ABTB3: variants seen among roughly 807,000 people sequenced by gnomAD.
The protein encoded by ABTB3 is ankyrin repeat- and BTB/POZ domain-containing protein 3.
the ABTB3 span, among the ~76,000 whole-genome samples, chr12:107,618,746 G>A: frequency 6.6e-6 from 1 of 152,210 alleles, no homozygotes; most frequent in South Asian, 2.1e-4. Context: ...GGGTCTGGAT[G>A]GATAAAGGCT....
chr12:107,606,148 C>T, the ABTB3 span, among the ~76,000 whole-genome samples: 9 of 152,288 alleles, frequency 5.9e-5, no homozygotes, highest in Non-Finnish European at 1.3e-4. Context: ...CAGGTCAAAA[C>T]CTGGCTCACC....
chr12:107,639,291 G>A, the ABTB3 span, among the ~76,000 whole-genome samples: 20 of 152,202 alleles, frequency 1.3e-4, no homozygotes, highest in African/African-American at 4.6e-4. Context: ...TCATTAAGAC[G>A]TTTAGACTCT....
At chr12:107,523,916 C>A in the ABTB3 span, among the ~76,000 whole-genome samples, 1 of 152,208 alleles carries the variant, frequency 6.6e-6, no homozygotes, top group Non-Finnish European at 1.5e-5. Context: ...GTGGCCCACA[C>A]ACACTGTCCC....
At chr12:107,568,224 C>T in the ABTB3 span, among the ~76,000 whole-genome samples, 7 of 152,312 alleles carry the variant, frequency 4.6e-5, no homozygotes, top group South Asian at 1.4e-3. Context: ...AGCCTTGTAA[C>T]AGCTTGCTCA....
chr12:107,627,963 C>T, the ABTB3 span, among the ~76,000 whole-genome samples: 4 of 152,182 alleles, frequency 2.6e-5, no homozygotes, highest in Admixed American at 6.5e-5. Context: ...AGTAGATGTG[C>T]GACTGCACAA....
At chr12:107,489,011 CA>C in the ABTB3 span, among the ~76,000 whole-genome samples, 2 of 151,992 alleles carry the variant, frequency 1.3e-5, no homozygotes, top group Non-Finnish European at 2.9e-5. Flanking sequence ...CAAAGATGAC[CA>C]AAAAGGAGTA....
the ABTB3 span, among the ~76,000 whole-genome samples, chr12:107,470,134 G>A: frequency 1.3e-5 from 2 of 151,296 alleles, no homozygotes; most frequent in East Asian, 3.9e-4. Context: ...CACCTCTCAG[G>A]CTCAAGTGAT....
chr12:107,469,719 G>A, the ABTB3 span, among the ~76,000 whole-genome samples: 4 of 152,142 alleles, frequency 2.6e-5, no homozygotes, highest in Non-Finnish European at 5.9e-5. Context: ...GCACACACGA[G>A]CACTTATTAG....
At chr12:107,515,374 G>T in the ABTB3 span, among the ~76,000 whole-genome samples, 2 of 152,194 alleles carry the variant, frequency 1.3e-5, no homozygotes, top group African/African-American at 4.8e-5. Context: ...TCAGGGCCCA[G>T]GTCTCGAGTC....
the ABTB3 span, among the ~76,000 whole-genome samples, chr12:107,524,890 G>A: frequency 6.6e-6 from 1 of 152,182 alleles, no homozygotes; most frequent in African/African-American, 2.4e-5. Context: ...GCTCTGTAGG[G>A]TGCACTGTGG....
At chr12:107,615,182 T>C in the ABTB3 span, 12 of 1,587,808 alleles carry the variant, frequency 7.6e-6, no homozygotes, top group East Asian at 2.2e-5. Flanking sequence ...TATTTCCCTA[T>C]CCACATCTGA....
chr12:107,531,399 C>G, the ABTB3 span, among the ~76,000 whole-genome samples: 1 of 152,168 alleles, frequency 6.6e-6, no homozygotes, highest in Admixed American at 6.5e-5. Flanking sequence ...ACAGCTTTTA[C>G]TATTGTTATT....
At chr12:107,541,879 T>C in the ABTB3 span, among the ~76,000 whole-genome samples, 1 of 151,588 alleles carries the variant, frequency 6.6e-6, no homozygotes, top group African/African-American at 2.4e-5. Flanking sequence ...TTACTCATGT[T>C]ACAAACCTGT....
At chr12:107,600,860 C>G in the ABTB3 span, among the ~76,000 whole-genome samples, 1 of 152,282 alleles carries the variant, frequency 6.6e-6, no homozygotes, top group East Asian at 1.9e-4. Context: ...TGACAGGCCA[C>G]AGGGAGGGCT....
chr12:107,532,138 C>T, the ABTB3 span, among the ~76,000 whole-genome samples: 1 of 152,232 alleles, frequency 6.6e-6, no homozygotes, highest in Non-Finnish European at 1.5e-5. Context: ...CCACCAGCAT[C>T]AGTACCCAAA....
chr12:107,648,624 C>T, the ABTB3 span, among the ~76,000 whole-genome samples: 1 of 152,132 alleles, frequency 6.6e-6, no homozygotes, highest in Non-Finnish European at 1.5e-5. Flanking sequence ...CCATTGACAT[C>T]GTTAGTGATA....
chr12:107,337,295 G>A, the ABTB3 span, among the ~76,000 whole-genome samples: 3 of 152,204 alleles, frequency 2.0e-5, no homozygotes, highest in African/African-American at 4.8e-5. Flanking sequence ...TCTAGTGGGC[G>A]ATAGAAGTCC....
At chr12:107,654,689 A>G in the ABTB3 span, among the ~76,000 whole-genome samples, 1 of 152,162 alleles carries the variant, frequency 6.6e-6, no homozygotes, top group Non-Finnish European at 1.5e-5. Flanking sequence ...TCCAAAGCAC[A>G]GGTTCTTAAC....
the ABTB3 span, among the ~76,000 whole-genome samples, chr12:107,531,568 A>C: frequency 0.11 from 16,422 of 152,100 alleles, 948 homozygotes; most frequent in African/African-American, 0.14. Context: ...CTCTCAATCC[A>C]GTGGTCAGAG....
Sources: gnomAD v4.1 joint callset for allele counts (sites outside exome capture counted in the v4.1 genomes callset) on GRCh38, gnomAD v4.1.1 for gene constraint, MANE v1.5 for transcripts, NCBI Gene and HGNC (gene_info 2026-07-23, HGNC 2026-07-21) for gene names.